LYPLAL1: variants seen among roughly 807,000 people sequenced by gnomAD.
LYPLAL1 encodes lysophospholipase-like protein 1.
A neutral mutation model predicts 19.7 loss-of-function variants in LYPLAL1; 23 were observed. That is an observed-to-expected ratio of 1.17 (90% CI 0.84 to 1.65). The LOEUF (loss-of-function observed/expected upper bound fraction) is 1.65. LYPLAL1 is among the 40% of genes most tolerant of loss of function. LYPLAL1 has a pLI of 0.00. For missense variants in LYPLAL1, 355 were observed against 279.4 expected (o/e 1.27, Z -1.93); for synonymous variants, 119 against 96.3 (o/e 1.24, Z -1.38).
chr1:219,196,520 A>G (rs1021271148), intron 3 of LYPLAL1, among the ~76,000 whole-genome samples: 2 of 152,112 alleles, frequency 1.3e-5, no homozygotes, highest in Non-Finnish European at 2.9e-5. Context: ...GTCATTTATG[A>G]CAAACCCACA....
At chr1:219,188,443 G>A (rs1656896361) in intron 2 of LYPLAL1, among the ~76,000 whole-genome samples, 1 of 151,676 alleles carries the variant, frequency 6.6e-6, no homozygotes, top group South Asian at 2.1e-4. Flanking sequence ...CCTCTAAGTA[G>A]TGGGGATATC....
At chr1:219,422,890 C>A in the LYPLAL1 span, among the ~76,000 whole-genome samples, 1 of 152,102 alleles carries the variant, frequency 6.6e-6, no homozygotes, top group Admixed American at 6.5e-5. Context: ...TATTAGTCAT[C>A]TTTGGTCATT....
At chr1:219,263,223 A>T in the LYPLAL1 span, among the ~76,000 whole-genome samples, 1 of 152,084 alleles carries the variant, frequency 6.6e-6, no homozygotes, top group Non-Finnish European at 1.5e-5. Flanking sequence ...TTATGTTTCA[A>T]GGGGGATTAT....
the LYPLAL1 span, among the ~76,000 whole-genome samples, chr1:219,346,128 T>A: frequency 6.6e-6 from 1 of 152,180 alleles, no homozygotes; most frequent in South Asian, 2.1e-4. Flanking sequence ...CTATGAGTAT[T>A]GCCAGGGAAG....
chr1:219,194,261 G>C (rs1047171574), intron 3 of LYPLAL1, among the ~76,000 whole-genome samples: 14 of 151,866 alleles, frequency 9.2e-5, no homozygotes, highest in Admixed American at 1.3e-4. Flanking sequence ...AACTCTAATA[G>C]AGATAAACAT....
the LYPLAL1 span, among the ~76,000 whole-genome samples, chr1:219,352,841 A>T: frequency 2.0e-5 from 3 of 152,204 alleles, no homozygotes; most frequent in African/African-American, 7.2e-5. Flanking sequence ...GGTCCTAGTT[A>T]GTCTACCATA....
chr1:219,266,857 C>T, the LYPLAL1 span, among the ~76,000 whole-genome samples: 1 of 152,146 alleles, frequency 6.6e-6, no homozygotes, highest in East Asian at 1.9e-4. Flanking sequence ...CAGTAAAGTA[C>T]ACTGATATCT....
the LYPLAL1 span, among the ~76,000 whole-genome samples, chr1:219,289,132 G>T: frequency 6.8e-6 from 1 of 146,286 alleles, no homozygotes. Flanking sequence ...AGGACCCGAG[G>T]ATGTGTAACT....
At chr1:219,307,505 C>T in the LYPLAL1 span, among the ~76,000 whole-genome samples, 1 of 152,052 alleles carries the variant, frequency 6.6e-6, no homozygotes, top group East Asian at 1.9e-4. Flanking sequence ...TATTTTGTAA[C>T]CTTAGTTGTT....
the LYPLAL1 span, among the ~76,000 whole-genome samples, chr1:219,426,902 T>A: frequency 1.3e-5 from 2 of 152,172 alleles, no homozygotes; most frequent in African/African-American, 4.8e-5. Context: ...CCAGCCCAGG[T>A]AGGTACTTTT....
chr1:219,297,748 G>C, the LYPLAL1 span, among the ~76,000 whole-genome samples: 1 of 152,202 alleles, frequency 6.6e-6, no homozygotes, highest in Non-Finnish European at 1.5e-5. Context: ...CATTGGAGTT[G>C]ACATTTCCCA....
At chr1:219,177,775 C>T (rs1186789920) in intron 1 of LYPLAL1, among the ~76,000 whole-genome samples, 2 of 152,200 alleles carry the variant, frequency 1.3e-5, no homozygotes, top group African/African-American at 4.8e-5. Flanking sequence ...CTTTTGCTCT[C>T]TTTCAATTCT....
At chr1:219,264,621 G>T in the LYPLAL1 span, among the ~76,000 whole-genome samples, 1 of 152,142 alleles carries the variant, frequency 6.6e-6, no homozygotes, top group Non-Finnish European at 1.5e-5. Flanking sequence ...TGGGCAGTCT[G>T]GAGTCATGTG....
the LYPLAL1 span, among the ~76,000 whole-genome samples, chr1:219,258,410 G>A: frequency 6.6e-6 from 1 of 151,996 alleles, no homozygotes; most frequent in Admixed American, 6.6e-5. Context: ...CACAATTTAT[G>A]TTCTTCTGCC....
At chr1:219,255,432 T>C in the LYPLAL1 span, among the ~76,000 whole-genome samples, 1 of 151,970 alleles carries the variant, frequency 6.6e-6, no homozygotes, top group African/African-American at 2.4e-5. Flanking sequence ...TATACAAATA[T>C]AATGTTTTTA....
the LYPLAL1 span, chr1:219,411,891 G>A: frequency 9.7e-5 from 16 of 165,606 alleles, no homozygotes; most frequent in Middle Eastern, 2.5e-3. Context: ...GTGAGACCAA[G>A]AACCCACCAA....
rs114311517 is a variant in LYPLAL1 at position 219,186,320 on chromosome 1, T to A, written c.192-6762T>A. Reference sequence around the variant, plus strand: ...TTCTGCGTGTCACGTTCTATAAATGTTAATGGTTCAAGGTATTTGAAAGCA... The same window carrying A: ...TTCTGCGTGTCACGTTCTATAAATGATAATGGTTCAAGGTATTTGAAAGCA... On this transcript the variant is annotated intron_variant, in intron 2 of 4. Coordinates refer to ENST00000366928, the MANE Select transcript of LYPLAL1 (RefSeq NM_138794.5). Among the ~76,000 whole-genome samples, 994 of 151,994 alleles carry A rather than the reference T, an allele frequency of 6.5e-3. 11 individuals are homozygous for A. The highest frequency in any genetic ancestry group is 0.023 in the African/African-American group (945 of 41,502).
chr1:219,220,438 T>G, the LYPLAL1 span, among the ~76,000 whole-genome samples: 6 of 151,338 alleles, frequency 4.0e-5, no homozygotes, highest in African/African-American at 1.5e-4. Context: ...AAAGAAGGAC[T>G]TTTCCCTAGG....
chr1:219,245,157 C>T, the LYPLAL1 span, among the ~76,000 whole-genome samples: 1 of 150,444 alleles, frequency 6.6e-6, no homozygotes, highest in South Asian at 2.1e-4. Context: ...TCCCTCCTTC[C>T]CTCCCTCCCT....
Sources: gnomAD v4.1 joint callset for allele counts (sites outside exome capture counted in the v4.1 genomes callset) on GRCh38, gnomAD v4.1.1 for gene constraint, MANE v1.5 for transcripts, NCBI Gene and HGNC (gene_info 2026-07-23, HGNC 2026-07-21) for gene names.